GPR39: variants seen among roughly 807,000 people sequenced by gnomAD.
The protein encoded by GPR39 is zinc sensing receptor.
A neutral mutation model predicts 18.4 loss-of-function variants in GPR39; 23 were observed. The observed-to-expected ratio is 1.25, with a 90% CI of 0.90 to 1.77. The LOEUF (loss-of-function observed/expected upper bound fraction) is 1.77. Ranked by LOEUF, GPR39 falls within the 40% of genes most tolerant of loss-of-function variation. The pLI, the probability that GPR39 is intolerant of heterozygous loss-of-function variation, is 0.00. For missense variants in GPR39, 647 were observed against 602.4 expected, an observed-to-expected ratio of 1.07 and a Z score of -0.78; for synonymous variants, 280 against 257.9, an observed-to-expected ratio of 1.09 and a Z score of -0.82.
chr2:132,530,162 G>A (rs550281820), intron 1 of GPR39, among the ~76,000 whole-genome samples: 39 of 152,100 alleles, frequency 2.6e-4, no homozygotes, highest in Non-Finnish European at 4.6e-4. Flanking sequence ...GTCCTTAAAG[G>A]ACCTGATGGA....
At chr2:132,643,832 T>C (rs1681922075) in intron 1 of GPR39, among the ~76,000 whole-genome samples, 2 of 152,196 alleles carry the variant, frequency 1.3e-5, no homozygotes, top group Non-Finnish European at 2.9e-5. Context: ...CATTTATTAA[T>C]AGAATATTTA....
At chr2:132,441,503 T>C (rs1351978517) in intron 1 of GPR39, among the ~76,000 whole-genome samples, 1 of 152,154 alleles carries the variant, frequency 6.6e-6, no homozygotes, top group Non-Finnish European at 1.5e-5. Context: ...CAGGGAGTCA[T>C]CTATACTTAA....
chr2:132,525,562 C>T (rs1230164400), intron 1 of GPR39, among the ~76,000 whole-genome samples: 1 of 152,196 alleles, frequency 6.6e-6, no homozygotes, highest in Non-Finnish European at 1.5e-5. Context: ...GATGCTTTCC[C>T]ACAATCATGA....
chr2:132,421,415 T>C (rs1030911159), intron 1 of GPR39, among the ~76,000 whole-genome samples: 6 of 152,084 alleles, frequency 3.9e-5, no homozygotes, highest in African/African-American at 1.4e-4. Context: ...TAGAGGGCAG[T>C]GATTGGCTTT....
At chr2:132,611,633 A>T (rs1331048464) in intron 1 of GPR39, among the ~76,000 whole-genome samples, 3 of 151,848 alleles carry the variant, frequency 2.0e-5, no homozygotes, top group African/African-American at 7.3e-5. Context: ...TTGCAGAAAA[A>T]AAAAAAAAAG....
intron 1 of GPR39, among the ~76,000 whole-genome samples, chr2:132,467,835 A>C (rs1187496870): frequency 6.6e-6 from 1 of 152,184 alleles, no homozygotes; most frequent in African/African-American, 2.4e-5. Flanking sequence ...GTTGGTATCT[A>C]TATTTATTTA....
intron 1 of GPR39, among the ~76,000 whole-genome samples, chr2:132,464,368 C>T (rs1166883879): frequency 1.3e-5 from 2 of 152,296 alleles, no homozygotes; most frequent in South Asian, 2.1e-4. Context: ...CTATGACGGG[C>T]ATCTGGGAAC....
chr2:132,522,290 A>G (rs1437027507), intron 1 of GPR39, among the ~76,000 whole-genome samples: 1 of 152,112 alleles, frequency 6.6e-6, no homozygotes, highest in Non-Finnish European at 1.5e-5. Context: ...TCGCTCATTT[A>G]TTTGTCTACT....
At chr2:132,443,325 G>GACTT (rs1308256583) in intron 1 of GPR39, among the ~76,000 whole-genome samples, 1 of 148,898 alleles carries the variant, frequency 6.7e-6, no homozygotes, top group East Asian at 2.0e-4. Flanking sequence ...GATGGTACCT[G>GACTT]ACTTACGATG....
At chr2:132,445,031 A>G (rs898736197) in intron 1 of GPR39, among the ~76,000 whole-genome samples, 2 of 152,160 alleles carry the variant, frequency 1.3e-5, no homozygotes, top group African/African-American at 4.8e-5. Flanking sequence ...CCTACCGCCC[A>G]TCCATTCCCT....
chr2:132,538,285 T>G (rs534241189), intron 1 of GPR39, among the ~76,000 whole-genome samples: 1 of 152,350 alleles, frequency 6.6e-6, no homozygotes, highest in East Asian at 1.9e-4. Flanking sequence ...TTGTTAGTTT[T>G]TCTTCCAACA....
chr2:132,613,753 G>A (rs943735300), intron 1 of GPR39, among the ~76,000 whole-genome samples: 1 of 152,156 alleles, frequency 6.6e-6, no homozygotes, highest in Non-Finnish European at 1.5e-5. Flanking sequence ...TGGAAGCATG[G>A]CCCTCATCAG....
intron 1 of GPR39, among the ~76,000 whole-genome samples, chr2:132,545,653 G>GCTGT (rs1679934123): frequency 7.4e-6 from 1 of 134,684 alleles, no homozygotes; most frequent in African/African-American, 2.5e-5. Flanking sequence ...ATGTGTGATG[G>GCTGT]GCGTGTGTGT....
intron 1 of GPR39, among the ~76,000 whole-genome samples, chr2:132,454,517 T>G (rs751283963): frequency 6.6e-6 from 1 of 152,184 alleles, no homozygotes; most frequent in African/African-American, 2.4e-5. Context: ...TCCAACACTA[T>G]GTTGAATAGG....
At chr2:132,470,850 A>C (rs531135881) in intron 1 of GPR39, among the ~76,000 whole-genome samples, 70 of 152,196 alleles carry the variant, frequency 4.6e-4, no homozygotes, top group Admixed American at 9.2e-4. Context: ...CCCCCACCTG[A>C]CACTGTTTCT....
intron 1 of GPR39, among the ~76,000 whole-genome samples, chr2:132,511,049 C>A (rs1573638838): frequency 1.3e-5 from 2 of 152,066 alleles, no homozygotes; most frequent in Admixed American, 6.6e-5. Flanking sequence ...AAGCATAAAC[C>A]TTTTCTATCT....
At chr2:132,557,526 T>C (rs1185882867) in intron 1 of GPR39, among the ~76,000 whole-genome samples, 1 of 151,992 alleles carries the variant, frequency 6.6e-6, no homozygotes, top group African/African-American at 2.4e-5. Flanking sequence ...CTCATGGGAT[T>C]CAATTACCAT....
At chr2:132,468,747 T>G (rs10192325) in intron 1 of GPR39, among the ~76,000 whole-genome samples, 69,070 of 151,958 alleles carry the variant, frequency 0.45, 16,768 homozygotes, top group Non-Finnish European at 0.54. Context: ...GCAGGGCAGG[T>G]CTCTGTCTGG....
At chr2:132,471,982 T>G (rs1349397092) in intron 1 of GPR39, among the ~76,000 whole-genome samples, 1 of 152,136 alleles carries the variant, frequency 6.6e-6, no homozygotes, top group African/African-American at 2.4e-5. Context: ...GGGCTCAATA[T>G]AATCCACCTG....
Sources: allele counts gnomAD v4.1 joint callset (sites outside exome capture counted in the v4.1 genomes callset), GRCh38; gene constraint gnomAD v4.1.1; transcripts MANE v1.5; gene names NCBI Gene and HGNC (gene_info 2026-07-23, HGNC 2026-07-21).